Variants in NCK2 observed in about 807,000 individuals in gnomAD.
The protein encoded by NCK2 is cytoplasmic protein NCK2.
A neutral mutation model predicts 33.9 loss-of-function variants in NCK2; 16 were observed. That is an observed-to-expected ratio of 0.47 (90% CI 0.32 to 0.72). The LOEUF (loss-of-function observed/expected upper bound fraction) is 0.72. Ranked by LOEUF, NCK2 falls within the 30% of genes least tolerant of loss-of-function variation. The pLI is 0.03. For missense variants in NCK2, 418 were observed against 537.3 expected, an observed-to-expected ratio of 0.78 and a Z score of 2.19; for synonymous variants, 273 against 239.9, an observed-to-expected ratio of 1.14 and a Z score of -1.27.
intron 1 of NCK2, among the ~76,000 whole-genome samples, chr2:105,791,170 TGAA>T (rs1222086110): frequency 6.6e-6 from 1 of 152,242 alleles, no homozygotes; most frequent in Non-Finnish European, 1.5e-5. Flanking sequence ...ATTTGTTAAA[TGAA>T]GAGGTGACAG....
intron 4 of NCK2, among the ~76,000 whole-genome samples, chr2:105,886,153 T>C (rs1359377717): frequency 2.0e-5 from 3 of 152,266 alleles, no homozygotes; most frequent in Non-Finnish European, 4.4e-5. Context: ...GATAACAAGT[T>C]ATTTTTAATT....
chr2:105,778,757 C>G (rs1690392108), intron 1 of NCK2, among the ~76,000 whole-genome samples: 1 of 152,072 alleles, frequency 6.6e-6, no homozygotes, highest in East Asian at 1.9e-4. Flanking sequence ...GGATCTCACT[C>G]TCTTGCCCAG....
chr2:105,832,704 A>T (rs1573174535), intron 2 of NCK2, among the ~76,000 whole-genome samples: 2 of 144,366 alleles, frequency 1.4e-5, no homozygotes. Flanking sequence ...CTTTGCCAGT[A>T]TTTTTTTTTT....
intron 1 of NCK2, among the ~76,000 whole-genome samples, chr2:105,779,776 A>T (rs770356794): frequency 1.3e-5 from 2 of 152,242 alleles, no homozygotes; most frequent in South Asian, 2.1e-4. Context: ...ATACATATAC[A>T]TAGTAATTCC....
At chr2:105,827,642 AATC>A (rs1490193974) in intron 2 of NCK2, among the ~76,000 whole-genome samples, 2 of 152,248 alleles carry the variant, frequency 1.3e-5, no homozygotes, top group Non-Finnish European at 2.9e-5. Context: ...AAAGCATTGA[AATC>A]ATACAGAGTG....
At chr2:105,844,299 T>C (rs78229412) in intron 2 of NCK2, among the ~76,000 whole-genome samples, 11,753 of 152,104 alleles carry the variant, frequency 0.077, 501 homozygotes, top group South Asian at 0.13. Context: ...GAAAAGGACA[T>C]TAAGGGAAAG....
chr2:105,830,695 G>GTGTGTGTGTGTGTGTA (rs1553458075), intron 2 of NCK2, among the ~76,000 whole-genome samples: 19 of 150,970 alleles, frequency 1.3e-4, no homozygotes, highest in African/African-American at 2.9e-4. Context: ...GTGTGTGTGT[G>GTGTGTGTGTGTGTGTA]TGTGTGTGTG....
At chr2:105,861,903 T>TCCCTCCCTCCCTCCCTC (rs1677550305) in intron 3 of NCK2, among the ~76,000 whole-genome samples, 1 of 114,792 alleles carries the variant, frequency 8.7e-6, no homozygotes, top group African/African-American at 4.1e-5. Flanking sequence ...TGGAATTCTT[T>TCCCTCCCTCCCTCCCTC]CCTCCCTCCC....
intron 3 of NCK2, among the ~76,000 whole-genome samples, chr2:105,880,929 G>T (rs1020526372): frequency 7.0e-6 from 1 of 142,982 alleles, no homozygotes; most frequent in South Asian, 2.2e-4. Flanking sequence ...TGCACCACAG[G>T]TGGCTAATTT....
chr2:105,787,405 G>T (rs988795507), intron 1 of NCK2, among the ~76,000 whole-genome samples: 3 of 152,140 alleles, frequency 2.0e-5, no homozygotes, highest in African/African-American at 7.2e-5. Context: ...TGAGAGTAGG[G>T]CCCCCATAAT....
intron 2 of NCK2, among the ~76,000 whole-genome samples, chr2:105,820,260 G>A (rs903363889): frequency 6.6e-6 from 1 of 152,230 alleles, no homozygotes; most frequent in Admixed American, 6.5e-5. Context: ...CCATTTGGTC[G>A]GTGGTCCTTG....
chr2:105,788,881 A>G (rs945142270), intron 1 of NCK2, among the ~76,000 whole-genome samples: 7 of 152,260 alleles, frequency 4.6e-5, no homozygotes, highest in African/African-American at 1.7e-4. Flanking sequence ...TAGTCAGGGC[A>G]GCGGATCTCT....
At chr2:105,776,518 G>A (rs971148090) in intron 1 of NCK2, among the ~76,000 whole-genome samples, 1 of 152,152 alleles carries the variant, frequency 6.6e-6, no homozygotes, top group Non-Finnish European at 1.5e-5. Context: ...CACCCGTGGA[G>A]GGCTCCTGCA....
intron 3 of NCK2, among the ~76,000 whole-genome samples, chr2:105,866,193 C>T (rs987580252): frequency 2.0e-5 from 3 of 152,156 alleles, no homozygotes; most frequent in Non-Finnish European, 2.9e-5. Context: ...GGATTACAGG[C>T]GTGAGCCACC....
intron 2 of NCK2, among the ~76,000 whole-genome samples, chr2:105,848,085 A>G (rs190429616): frequency 6.6e-6 from 1 of 152,340 alleles, no homozygotes; most frequent in Admixed American, 6.5e-5. Context: ...TGTTCAAGCC[A>G]TTGAGCCTAG....
At chr2:105,753,306 TTG>T (rs1209732072) in intron 1 of NCK2, among the ~76,000 whole-genome samples, 3 of 152,122 alleles carry the variant, frequency 2.0e-5, no homozygotes, top group African/African-American at 4.8e-5. Context: ...AGGGGAAGCC[TTG>T]GATGGTCATC....
chr2:105,881,678 G>A lies in NCK2; in HGVS notation c.577G>A (p.Gly193Ser), dbSNP rs376669820. The change falls in exon 4 of 5, where the codon GGC becomes AGC. Residue 193 changes from glycine to serine, a missense_variant. Gly to Ser is a moderately conservative substitution (Grantham distance 56). Coordinates refer to ENST00000233154, the MANE Select transcript of NCK2 (RefSeq NM_003581.5). ...GGGCGCCTCGCTGAGCAATGGCCAG[G>A]GCTCCCGCGTGCTGCATGTGGTCCA... is the stretch of plus-strand genomic sequence containing the variant. Reference protein sequence around the residue: ...RKGASLSNGQGSRVLHVVQTL... With the variant: ...RKGASLSNGQSSRVLHVVQTL... The A allele has an allele frequency of 5.0e-6, 8 of 1,613,782 alleles. No homozygotes were observed. In the Admixed American group the frequency reaches 6.7e-5, roughly 13 times the overall value.
intron 1 of NCK2, among the ~76,000 whole-genome samples, chr2:105,753,663 G>A (rs1435589401): frequency 5.3e-5 from 8 of 152,136 alleles, no homozygotes; most frequent in African/African-American, 9.7e-5. Flanking sequence ...AGTGGCCCCC[G>A]GACTTTTGTG....
intron 2 of NCK2, among the ~76,000 whole-genome samples, chr2:105,820,671 G>A (rs1316555060): frequency 4.6e-5 from 7 of 152,164 alleles, no homozygotes; most frequent in Non-Finnish European, 8.8e-5. Flanking sequence ...AATTCTTCCC[G>A]TGTGTACTTG....
Sources: gnomAD v4.1 joint callset for allele counts (sites outside exome capture counted in the v4.1 genomes callset) on GRCh38, gnomAD v4.1.1 for gene constraint, MANE v1.5 for transcripts, NCBI Gene and HGNC (gene_info 2026-07-23, HGNC 2026-07-21) for gene names.